The following DMD variants were observed in gnomAD, a reference collection of about 807,000 sequenced individuals.
DMD encodes the protein mutant dystrophin.
DMD carries 63 observed loss-of-function variants against 330.1 expected under a neutral mutation model. That is an observed-to-expected ratio of 0.19 (90% CI 0.16 to 0.24). The LOEUF (loss-of-function observed/expected upper bound fraction) is 0.24. Among genes scored for constraint, DMD ranks in the 10% least tolerant of loss-of-function variants. The pLI is 1.00. For missense variants in DMD, 3,344 were observed against 2,684.1 expected (o/e 1.25, Z -5.43); for synonymous variants, 1,223 against 959.8 (o/e 1.27, Z -5.07).
chrX:32,409,318 C>G (rs1163263942), intron 30 of DMD, among the ~76,000 whole-genome samples: 1 of 111,442 alleles, frequency 9.0e-6, no homozygotes, highest in Non-Finnish European at 1.9e-5. Flanking sequence ...TCTGAATGCC[C>G]AAAATCTCTT....
intron 11 of DMD, among the ~76,000 whole-genome samples, chrX:32,640,177 T>C (rs2059360231): frequency 9.1e-6 from 1 of 109,384 alleles, no homozygotes; most frequent in African/African-American, 3.3e-5. Flanking sequence ...TATGGTAAAA[T>C]AGTTAACTGA....
At position 32,045,037 on chromosome X, in the gene DMD, T is replaced by C. The variant is rs765627436; in HGVS notation, c.6439-76523A>G. On this transcript the variant is annotated intron_variant, in intron 44 of 78. Transcript: ENST00000357033. Reference sequence around the variant, plus strand: ...GGTCATGGGGACAGATCCCTCATGGTTTTGTATTGTCCTCAGTGTAGTGAG... The same window carrying C: ...GGTCATGGGGACAGATCCCTCATGGCTTTGTATTGTCCTCAGTGTAGTGAG... Among the ~76,000 whole-genome samples, 4 of 110,064 alleles carry C rather than the reference T, an allele frequency of 3.6e-5. No homozygotes were observed. The Admixed American group carries it at 3.9e-4, about 11-fold the overall frequency.
Position 33,331,220 on chromosome X carries a change from T to C in DMD, c.7+8039A>G, listed in dbSNP as rs73623948. Reference sequence around the variant, plus strand: ...CACTGTGGCCACCAAAACCAGCCCATGAATGGGTCAGCAGCCAAAGGGAGA... The same window carrying C: ...CACTGTGGCCACCAAAACCAGCCCACGAATGGGTCAGCAGCCAAAGGGAGA... On this transcript the variant is annotated intron_variant, in intron 1 of 17. Transcript: ENST00000288447. Among the ~76,000 whole-genome samples, 630 of 111,751 alleles carry C rather than the reference T, an allele frequency of 5.6e-3. 5 individuals carry two copies. Among genetic ancestry groups the C allele is most frequent in the African/African-American group, 0.02 (609 of 30,755 alleles).
chrX:32,735,189 C>G (rs2068279375), intron 7 of DMD, among the ~76,000 whole-genome samples: 1 of 108,021 alleles, frequency 9.3e-6, no homozygotes, highest in African/African-American at 3.5e-5. Context: ...AATAAAATAC[C>G]TAGGAATCCA....
Position 32,918,931 on chromosome X carries a change from T to A in DMD, c.94-69111A>T, listed in dbSNP as rs143256874. On this transcript the variant is annotated intron_variant, in intron 2 of 78. Transcript: ENST00000357033. ...GACTAATTCCACCTCAGAGAATTAA[T>A]GAAATGTATCACGGCAAAGATCAGA... Among the ~76,000 whole-genome samples, 18 of 112,069 alleles carry A rather than the reference T, an allele frequency of 1.6e-4. 1 individual carries two copies. In the East Asian group the frequency reaches 4.5e-3, roughly 28 times the overall value.
intron 62 of DMD, among the ~76,000 whole-genome samples, chrX:31,322,970 G>A (rs1371920731): frequency 9.0e-6 from 1 of 111,674 alleles, no homozygotes; most frequent in East Asian, 2.8e-4. Flanking sequence ...TCTCTTCCAC[G>A]TTGACCCAAT....
At chrX:31,562,985 A>G (rs986924121) in intron 55 of DMD, among the ~76,000 whole-genome samples, 2 of 112,621 alleles carry the variant, frequency 1.8e-5, no homozygotes, top group African/African-American at 3.2e-5. Flanking sequence ...TTTATTGAAT[A>G]AAACACCTTT....
intron 44 of DMD, among the ~76,000 whole-genome samples, chrX:32,174,413 TGA>T (rs1342636954): frequency 8.9e-6 from 1 of 112,445 alleles, no homozygotes; most frequent in African/African-American, 3.2e-5. Flanking sequence ...AGCTCTGAAG[TGA>T]GAGTCTGCAA....
At chrX:32,747,362 A>C (rs2148245348) in intron 7 of DMD, among the ~76,000 whole-genome samples, 1 of 112,429 alleles carries the variant, frequency 8.9e-6, no homozygotes, top group East Asian at 2.8e-4. Flanking sequence ...GAGAACGAGT[A>C]CCATCAGCCT....
rs115668192 is a variant in DMD, at chrX:32,610,858, C to T, written c.1482+3445G>A. The stretch of plus-strand genomic sequence containing the variant: ...GTTGTCAGAAGGAGAAATTTCCTTA[C>T]TTTCAATGATTTACAATTCTTGGGA... On this transcript the variant is annotated intron_variant, in intron 12 of 78. Coordinates refer to ENST00000357033, the MANE Select transcript of DMD (RefSeq NM_004006.3). Among the ~76,000 whole-genome samples, 481 of 110,883 alleles carry T rather than the reference C, an allele frequency of 4.3e-3. 2 individuals are homozygous for T. The highest frequency in any genetic ancestry group is 0.015 in the African/African-American group (454 of 30,645).
chrX:31,868,261 T>C (rs2093832974), intron 48 of DMD, among the ~76,000 whole-genome samples: 1 of 112,358 alleles, frequency 8.9e-6, no homozygotes, highest in African/African-American at 3.2e-5. Flanking sequence ...AAAATATTCC[T>C]CATGTTTTAA....
At chrX:32,457,615 A>G (rs768922525) in intron 25 of DMD, among the ~76,000 whole-genome samples, 1 of 110,462 alleles carries the variant, frequency 9.1e-6, no homozygotes, top group East Asian at 2.9e-4. Flanking sequence ...AAACAAAGGG[A>G]AAGTAGAGTC....
intron 1 of DMD, among the ~76,000 whole-genome samples, chrX:33,057,290 T>G (rs1439566043): frequency 1.8e-5 from 2 of 111,858 alleles, no homozygotes; most frequent in Non-Finnish European, 3.8e-5. Flanking sequence ...AAAGACTTGA[T>G]TAAAGCCACA....
intron 1 of DMD, among the ~76,000 whole-genome samples, chrX:33,262,931 G>A (rs1167407380): frequency 9.1e-6 from 1 of 110,325 alleles, no homozygotes; most frequent in East Asian, 2.8e-4. Context: ...AAATAATAAA[G>A]GGTCAATGAA....
intron 2 of DMD, among the ~76,000 whole-genome samples, chrX:32,923,561 A>C (rs1465890848): frequency 1.8e-5 from 2 of 111,032 alleles, no homozygotes; most frequent in East Asian, 2.8e-4. Context: ...GATCTTAAAA[A>C]AAAAACAAAA....
chrX:32,200,697 A>G (rs1459087686), intron 44 of DMD, among the ~76,000 whole-genome samples: 1 of 112,003 alleles, frequency 8.9e-6, no homozygotes, highest in Non-Finnish European at 1.9e-5. Context: ...CAACTATAAT[A>G]AAACCATAAT....
chrX:33,010,207 T>C (rs1479394616), intron 2 of DMD, among the ~76,000 whole-genome samples: 1 of 94,552 alleles, frequency 1.1e-5, no homozygotes, highest in Non-Finnish European at 2.0e-5. Context: ...TGCATATGTG[T>C]GTGTATATGT....
At chrX:32,341,137 G>A (rs2097739870) in intron 41 of DMD, among the ~76,000 whole-genome samples, 1 of 111,620 alleles carries the variant, frequency 9.0e-6, no homozygotes, top group Admixed American at 9.6e-5. Context: ...TCTCATACAT[G>A]GGCTGAACCC....
intron 59 of DMD, among the ~76,000 whole-genome samples, chrX:31,460,320 A>G (rs2066453433): frequency 9.0e-6 from 1 of 111,470 alleles, no homozygotes; most frequent in Non-Finnish European, 1.9e-5. Context: ...CTGAACACAG[A>G]GCCTCAAGGG....
Sources: allele counts gnomAD v4.1 joint callset (sites outside exome capture counted in the v4.1 genomes callset), GRCh38; gene constraint gnomAD v4.1.1; transcripts MANE v1.5; gene names NCBI Gene and HGNC (gene_info 2026-07-23, HGNC 2026-07-21).